Variants in CLEC7A observed in about 807,000 individuals in gnomAD.
The protein encoded by CLEC7A is C-type lectin domain family 7 member A.
In CLEC7A, 25 loss-of-function variants were observed where a neutral mutation model predicts 26.9. The observed-to-expected ratio is 0.93, with a 90% CI of 0.68 to 1.30. The LOEUF (loss-of-function observed/expected upper bound fraction) is 1.30, where lower values mean the gene tolerates loss of function less well. CLEC7A is among the 50% of genes most tolerant of loss of function. The probability of loss-of-function intolerance (pLI) is 0.00; values close to 1 mark genes in which losing one functional copy is unlikely to be tolerated. For missense variants in CLEC7A, 275 were observed against 286.7 expected, an observed-to-expected ratio of 0.96 and a Z score of 0.29; for synonymous variants, 100 against 99.5, an observed-to-expected ratio of 1.01 and a Z score of -0.03.
At chr12:10,123,432 A>G (rs1948164704) in intron 4 of CLEC7A, 69 bp from the exon 5 acceptor site, 1 of 999,366 alleles carries the variant, frequency 1.0e-6, no homozygotes, top group African/African-American at 1.6e-5. Flanking sequence ...ATTATCATGG[A>G]CGCTGAGAAA....
At chr12:10,122,488 T>C (rs1054232962) in intron 5 of CLEC7A, among the ~76,000 whole-genome samples, 8 of 131,922 alleles carry the variant, frequency 6.1e-5, no homozygotes, top group East Asian at 4.1e-4. Context: ...TTTTTTCTTT[T>C]TTTTTTTTTT....
Position 10,117,859 on chromosome 12 carries a change from T to A in CLEC7A, c.*599A>T, listed in dbSNP as rs1238846849. ...CTCTGATAGAGCCAGAAATTAAGATTCGCTTATGGCTTACCCAAGGTAAAT... is the reference window on the plus strand; with the variant it reads ...CTCTGATAGAGCCAGAAATTAAGATACGCTTATGGCTTACCCAAGGTAAAT... On this transcript the variant is annotated 3_prime_UTR_variant, in exon 6 of 6. Transcript: ENST00000304084. The A allele has an allele frequency of 6.6e-6, 1 of 152,510 alleles. No homozygotes were observed. The highest frequency in any genetic ancestry group is 1.9e-4 in the East Asian group (1 of 5,188). 9.4% of individuals were successfully genotyped at this position (152,510 alleles called of 1,614,324 possible). A position where few individuals can be genotyped will look rare whatever the true frequency, so the allele number is the denominator to read the frequency against.
chr12:10,126,167 T>C (rs1948275927), intron 3 of CLEC7A: 2 of 984,266 alleles, frequency 2.0e-6, no homozygotes, highest in Non-Finnish European at 1.2e-6. Context: ...TTCTTTCCTT[T>C]CTCCCTGTCA....
chr12:10,120,763 T>C (rs11293251), intron 5 of CLEC7A, among the ~76,000 whole-genome samples: 19,700 of 149,684 alleles, frequency 0.13, 1,773 homozygotes, highest in African/African-American at 0.25. Context: ...TTTTCTTTTT[T>C]TTTTTTTTTA....
chr12:10,126,152 T>G (rs569993898), intron 3 of CLEC7A: 4 of 982,218 alleles, frequency 4.1e-6, no homozygotes, highest in Non-Finnish European at 4.8e-6. Flanking sequence ...TGGCAACATT[T>G]TCCCTTCTTT....
intron 1 of CLEC7A, among the ~76,000 whole-genome samples, chr12:10,129,029 C>T (rs977560574): frequency 1.3e-5 from 2 of 152,164 alleles, no homozygotes; most frequent in African/African-American, 4.8e-5. Flanking sequence ...AGAATTGTCA[C>T]ATAGGAGAAT....
chr12:10,119,996 G>A (rs1367176122), intron 5 of CLEC7A, among the ~76,000 whole-genome samples: 1 of 152,016 alleles, frequency 6.6e-6, no homozygotes, highest in Non-Finnish European at 1.5e-5. Context: ...ATAGATTTGA[G>A]AAAGAACTAA....
chr12:10,122,778 A>G (rs892887175), intron 5 of CLEC7A, among the ~76,000 whole-genome samples: 5 of 152,140 alleles, frequency 3.3e-5, no homozygotes, highest in African/African-American at 1.2e-4. Context: ...GGTGTGAGCC[A>G]CCACACCTGG....
Position 10,118,236 on chromosome 12 carries a change from T to A in CLEC7A, c.*222A>T. On this transcript the variant is annotated 3_prime_UTR_variant, in exon 6 of 6. Coordinates refer to ENST00000304084, the MANE Select transcript of CLEC7A (RefSeq NM_197947.3). ...CAAGCTTGGCTGCCCTGATTCCATG[T>A]CTAGGGATCTACTAACTAGAAAAAT... 2.0e-6 allele frequency: 1 copy of A among 497,266 alleles called. No individual in the cohort carries two copies. The highest frequency in any genetic ancestry group is 2.9e-5 in the South Asian group (1 of 34,272). The allele number at this position is 497,266 out of a possible 1,614,324, so 30.8% of individuals were successfully genotyped here. A position where few individuals can be genotyped will look rare whatever the true frequency, so the allele number is the denominator to read the frequency against.
chr12:10,123,321 A>G lies in CLEC7A; in HGVS notation c.535T>C (p.Phe179Leu), dbSNP rs370583536. 1 of 1,612,900 alleles carries G rather than the reference A, an allele frequency of 6.2e-7. No individual in the cohort carries two copies. Reference sequence around the variant, plus strand: ...TGGGGCCGAGAAAGGCCTATCCAAAATGAATTATCAGGTTGGGAAGACACT... The same window carrying G: ...TGGGGCCGAGAAAGGCCTATCCAAAGTGAATTATCAGGTTGGGAAGACACT... The part of the protein sequence containing the change: ...KQVSSQPDNS[F>L]WIGLSRPQTE... The change falls in exon 5 of 6, where the codon TTT becomes CTT. Residue 179 changes from phenylalanine to leucine, a missense_variant. Transcript: ENST00000304084.
At chr12:10,129,580 C>T (rs560231078) in intron 1 of CLEC7A, among the ~76,000 whole-genome samples, 2 of 152,162 alleles carry the variant, frequency 1.3e-5, no homozygotes, top group African/African-American at 4.8e-5. Context: ...TCACGAGGCT[C>T]TCAAATTTTC....
In CLEC7A at chr12:10,123,313, T is replaced by C. The variant is rs776839889; in HGVS notation, c.543A>G (p.Ile181Met). 1 of 1,613,530 alleles carries C rather than the reference T, an allele frequency of 6.2e-7. No individual in the cohort carries two copies. The highest frequency in any genetic ancestry group is 1.7e-5 in the Admixed American group (1 of 60,026). Residue 181 changes from isoleucine to methionine, a missense_variant, in exon 5 of 6, where the codon ATA (isoleucine) becomes ATG (methionine). Coordinates refer to ENST00000304084, the MANE Select transcript of CLEC7A (RefSeq NM_197947.3). Reference protein sequence around the residue: ...VSSQPDNSFWIGLSRPQTEVP... With the variant: ...VSSQPDNSFWMGLSRPQTEVP... ...CCTCAGTCTGGGGCCGAGAAAGGCC[T>C]ATCCAAAATGAATTATCAGGTTGGG...
At chr12:10,123,028 AT>A (rs1198409641) in intron 5 of CLEC7A, among the ~76,000 whole-genome samples, 1 of 152,052 alleles carries the variant, frequency 6.6e-6, no homozygotes, top group African/African-American at 2.4e-5. Context: ...ATCTGTGTTG[AT>A]GCTACTAGAT....
chr12:10,127,165 A>G, intron 2 of CLEC7A: 1 of 1,060,666 alleles, frequency 9.4e-7, no homozygotes, highest in Non-Finnish European at 1.3e-6. Context: ...GGTGACTGAC[A>G]ACAGATTGCA....
At chr12:10,121,818 C>A (rs1442477384) in intron 5 of CLEC7A, among the ~76,000 whole-genome samples, 1 of 152,086 alleles carries the variant, frequency 6.6e-6, no homozygotes, top group East Asian at 1.9e-4. Context: ...ACCATCCTGG[C>A]TAACACGGTG....
intron 4 of CLEC7A, 188 bp downstream of exon 4, chr12:10,125,109 A>G: frequency 6.0e-6 from 4 of 664,680 alleles, no homozygotes; most frequent in Non-Finnish European, 1.1e-5. Flanking sequence ...CTGAGGTGGG[A>G]GGATCACTTG....
At chr12:10,118,681 G>T in intron 5 of CLEC7A, 91 bp from the exon 6 acceptor site, 2 of 1,120,204 alleles carry the variant, frequency 1.8e-6, no homozygotes, top group Non-Finnish European at 2.6e-6. Context: ...GGATATTGGT[G>T]AAAAGAGTTC....
intron 2 of CLEC7A, 147 bp downstream of exon 2, chr12:10,127,600 C>T (rs775938120): frequency 8.7e-6 from 8 of 916,632 alleles, no homozygotes; most frequent in Non-Finnish European, 1.2e-5. Context: ...GTGAAATGGG[C>T]ATTAACAGCA....
chr12:10,126,539 G>A lies in CLEC7A; in HGVS notation c.340+32C>T, dbSNP rs781565157. 4.4e-6 allele frequency: 7 copies of A among 1,583,422 alleles called. No homozygotes were observed. In the South Asian group the frequency reaches 8.1e-5, roughly 18 times the overall value. On this transcript the variant is annotated intron_variant, in intron 3 of 5. Coordinates refer to ENST00000304084, the MANE Select transcript of CLEC7A (RefSeq NM_197947.3). ...CAGCACCAAGAATTAACCCTCTTGA[G>A]TCAAGATTCCGTCCTTTAACTATGC...
Sources: gnomAD v4.1 joint callset for allele counts (sites outside exome capture counted in the v4.1 genomes callset) on GRCh38, gnomAD v4.1.1 for gene constraint, MANE v1.5 for transcripts, NCBI Gene and HGNC (gene_info 2026-07-23, HGNC 2026-07-21) for gene names.